MMP14: variants seen among roughly 807,000 people sequenced by gnomAD.
The protein encoded by MMP14 is matrix metallopeptidase 14, also known as matrix metalloproteinase-14.
Under a neutral mutation model 64.8 loss-of-function variants are expected in MMP14, and 13 were observed. That is an observed-to-expected ratio of 0.20 (90% CI 0.13 to 0.32). The LOEUF (loss-of-function observed/expected upper bound fraction) is 0.32, where lower values mean the gene tolerates loss of function less well. MMP14 is among the 10% of genes least tolerant of loss of function. MMP14 has a pLI of 1.00. For missense variants in MMP14, 594 were observed against 783.8 expected (o/e 0.76, Z 2.89); for synonymous variants, 322 against 315.9 (o/e 1.02, Z -0.20).
chr14:22,845,323 G>A lies in MMP14; in HGVS notation c.1374G>A (p.Gly458=). 1 of 1,613,260 alleles carries A rather than the reference G, an allele frequency of 6.2e-7. No homozygotes were observed. Among genetic ancestry groups the A allele is most frequent in the Non-Finnish European group, 8.5e-7 (1 of 1,179,632 alleles). Residue 458 remains glycine, a synonymous_variant, in exon 9 of 10, where the codon GGG becomes GGA. Transcript: ENST00000311852. ...EYPKNIKVWE[G]IPESPRGSFM... is the part of the protein sequence containing the mutation. ...CCAAGAACATCAAAGTCTGGGAAGG[G>A]ATCCCTGAGTCTCCCAGAGGGTCAT... is the stretch of plus-strand genomic sequence containing the variant.
Position 22,841,951 on chromosome 14 carries a change from T to C in MMP14, c.296T>C (p.Phe99Ser). 5 of 1,614,184 alleles carry C rather than the reference T, an allele frequency of 3.1e-6. No homozygotes were observed. The highest frequency in any genetic ancestry group is 3.4e-6 in the Non-Finnish European group (4 of 1,180,036). Reference protein sequence around the residue: ...RRPRCGVPDKFGAEIKANVRR... With the variant: ...RRPRCGVPDKSGAEIKANVRR... ...CCCCGATGTGGTGTTCCAGACAAGT[T>C]TGGGGCTGAGATCAAGGCCAATGTT... Residue 99 changes from phenylalanine (F) to serine (S), a missense_variant, in exon 3 of 10, where the codon TTT (phenylalanine) becomes TCT (serine). Physicochemically the swap from Phe to Ser is radical, Grantham distance 155 (BLOSUM62 -2). Coordinates refer to ENST00000311852, the MANE Select transcript of MMP14 (RefSeq NM_004995.4).
Position 22,842,708 on chromosome 14 carries a change from G to C in MMP14, c.679G>C (p.Asp227His). ...SAEPWTVRNE[D>H]LNGNDIFLVA... ...CGAGCCTTGGACTGTCAGGAATGAG[G>C]ATCTGAATGGTGAGCCAAGTATCCC... is the stretch of plus-strand genomic sequence containing the variant. The change falls in exon 4 of 10, where the codon GAT (aspartate) becomes CAT (histidine). Residue 227 changes from aspartate to histidine, a missense_variant. By Grantham distance (81) the Asp-to-His change is moderately conservative. Around this residue, in one of 4 missense-constraint regions of MMP14, gnomAD observed 179 missense variants for 283.4 expected, o/e 0.63. Coordinates refer to ENST00000311852, the MANE Select transcript of MMP14 (RefSeq NM_004995.4). This position sits in a 1 kb window ranked among gnomAD's most constrained non-coding sequence, Gnocchi z 5.3. 6.3e-7 allele frequency: 1 copy of C among 1,596,700 alleles called. No individual in the cohort carries two copies. Among genetic ancestry groups the C allele is most frequent in the East Asian group, 2.2e-5 (1 of 44,562 alleles).
chr14:22,838,264 G>A (rs1278070122), intron 1 of MMP14, among the ~76,000 whole-genome samples: 4 of 152,176 alleles, frequency 2.6e-5, no homozygotes, highest in African/African-American at 9.7e-5. Flanking sequence ...CTAACAAAAC[G>A]AGCCTGAGCA....
At position 22,842,314 on chromosome 14, in the gene MMP14, G is replaced by C; in HGVS notation, c.381-96G>C. On this transcript the variant is annotated intron_variant, in intron 3 of 9. Coordinates refer to ENST00000311852, the MANE Select transcript of MMP14 (RefSeq NM_004995.4). This position sits in a 1 kb window ranked among gnomAD's most constrained non-coding sequence, Gnocchi z 5.3. ...AGCTGGGTCAGGCAGAGGTGGCTGG[G>C]CCGCGCAGTCAGACCTGGGAGAGTG... 1.4e-6 allele frequency: 2 copies of C among 1,394,438 alleles called. No individual in the cohort carries two copies. Among genetic ancestry groups the C allele is most frequent in the Non-Finnish European group, 2.0e-6 (2 of 1,017,038 alleles). 86.4% of individuals were successfully genotyped at this position (1,394,438 alleles called of 1,614,324 possible).
intron 1 of MMP14, chr14:22,837,552 G>A: frequency 2.8e-6 from 1 of 359,922 alleles, no homozygotes; most frequent in Non-Finnish European, 5.5e-6. Context: ...GCGCCGGCGC[G>A]CTGGCCGCGT....
At chr14:22,837,082 T>TG in intron 1 of MMP14, 157 bp downstream of exon 1, 1 of 704,912 alleles carries the variant, frequency 1.4e-6, no homozygotes, top group Non-Finnish European at 2.5e-6. Flanking sequence ...CCTCTTCGTC[T>TG]CCAAACTTCC....
intron 6 of MMP14, 28 bp from the exon 7 acceptor site, chr14:22,844,343 G>C (rs1204953559): frequency 6.2e-7 from 1 of 1,613,334 alleles, no homozygotes; most frequent in Non-Finnish European, 8.5e-7. Context: ...AGACATAATG[G>C]ACTTTTCCTG....
intron 1 of MMP14, chr14:22,837,265 A>G: frequency 1.9e-6 from 1 of 517,256 alleles, no homozygotes; most frequent in Non-Finnish European, 3.7e-6. Flanking sequence ...ACCGCCTGAT[A>G]AACATTTGGA....
Position 22,836,733 on chromosome 14 carries a change from G to T in MMP14, c.-85G>T. 1 of 725,624 alleles carries T rather than the reference G, an allele frequency of 1.4e-6. No homozygotes were observed. Among genetic ancestry groups the T allele is most frequent in the Non-Finnish European group, 2.2e-6 (1 of 455,724 alleles). The allele number at this position is 725,624 out of a possible 1,614,324, so 44.9% of individuals were successfully genotyped here. The stretch of plus-strand genomic sequence containing the variant: ...TTCAGTGCCTACCGAAGACAAAGGC[G>T]CCCCGAGGGAGTGGCGGTGCGACCC... On this transcript the variant is annotated 5_prime_UTR_variant, in exon 1 of 10. Transcript: ENST00000311852.
In MMP14 at chr14:22,845,247, C is replaced by G; in HGVS notation, c.1302-4C>G. 1 of 1,611,216 alleles carries G rather than the reference C, an allele frequency of 6.2e-7. No individual in the cohort carries two copies. Among genetic ancestry groups the G allele is most frequent in the South Asian group, 1.1e-5 (1 of 90,936 alleles). ...GCCACTGCCCTTCCTTTCCCCTTCCCCAGGTACTACCGTTTCAACGAAGAG... is the reference window on the plus strand; with the variant it reads ...GCCACTGCCCTTCCTTTCCCCTTCCGCAGGTACTACCGTTTCAACGAAGAG... On this transcript the variant is annotated splice_region_variant and splice_polypyrimidine_tract_variant and intron_variant, in intron 8 of 9. Coordinates refer to ENST00000311852, the MANE Select transcript of MMP14 (RefSeq NM_004995.4).
intron 2 of MMP14, 87 bp from the exon 3 acceptor site, chr14:22,841,826 A>G: frequency 8.8e-6 from 13 of 1,480,496 alleles, no homozygotes; most frequent in Non-Finnish European, 1.1e-5. Flanking sequence ...ATTGACACAC[A>G]GCAAGTCTTA....
intron 8 of MMP14, 48 bp downstream of exon 8, chr14:22,844,828 C>G (rs2039800733): frequency 6.2e-7 from 1 of 1,610,110 alleles, no homozygotes; most frequent in Non-Finnish European, 8.5e-7. Flanking sequence ...AAACCACCAC[C>G]ACCCCAAATT....
At chr14:22,837,299 C>T (rs1225655604) in intron 1 of MMP14, 1 of 477,468 alleles carries the variant, frequency 2.1e-6, no homozygotes, top group Non-Finnish European at 4.1e-6. Flanking sequence ...CCGCGCTGTC[C>T]CGGCTCCTCG....
Position 22,845,730 on chromosome 14 carries a change from G to C in MMP14, c.1440G>C (p.Gly480=). 2 of 1,614,018 alleles carry C rather than the reference G, an allele frequency of 1.2e-6. No individual in the cohort carries two copies. Among genetic ancestry groups the C allele is most frequent in the Non-Finnish European group, 1.7e-6 (2 of 1,180,030 alleles). Residue 480 remains glycine, a synonymous_variant, in exon 10 of 10, where the codon GGG becomes GGC. Coordinates refer to ENST00000311852, the MANE Select transcript of MMP14 (RefSeq NM_004995.4). The stretch of plus-strand genomic sequence containing the variant: ...CAGTCTTCACTTACTTCTACAAGGG[G>C]AACAAATACTGGAAATTCAACAACC... ...SDEVFTYFYK[G]NKYWKFNNQK...
intron 7 of MMP14, 29 bp downstream of exon 7, chr14:22,844,538 G>T (rs2039798054): frequency 8.1e-6 from 13 of 1,613,802 alleles, no homozygotes; most frequent in African/African-American, 1.3e-5. Context: ...TTAGTCTTTG[G>T]GAGTGAGGCG....
At chr14:22,840,298 T>C (rs754341413) in intron 1 of MMP14, among the ~76,000 whole-genome samples, 2 of 152,122 alleles carry the variant, frequency 1.3e-5, no homozygotes, top group Non-Finnish European at 2.9e-5. Context: ...TTTAAGAAAA[T>C]ACTCCATTGT....
In MMP14 at chr14:22,843,468, C is replaced by T; in HGVS notation, c.850+50C>T. 6.3e-7 allele frequency: 1 copy of T among 1,583,434 alleles called. No homozygotes were observed. Among genetic ancestry groups the T allele is most frequent in the Non-Finnish European group, 8.6e-7 (1 of 1,162,240 alleles). Reference sequence around the variant, plus strand: ...CTCCCTCCTCTGCTGCTTGTTCCCTCCTGGTCTACGCATTTCCCCTCTTTT... The same window carrying T: ...CTCCCTCCTCTGCTGCTTGTTCCCTTCTGGTCTACGCATTTCCCCTCTTTT... On this transcript the variant is annotated intron_variant, in intron 5 of 9. Coordinates refer to ENST00000311852, the MANE Select transcript of MMP14 (RefSeq NM_004995.4). This position sits in a 1 kb window ranked among gnomAD's most constrained non-coding sequence, Gnocchi z 4.8.
In MMP14 at chr14:22,843,734, A is replaced by T; in HGVS notation, c.875A>T (p.Lys292Met). 1 of 1,592,770 alleles carries T rather than the reference A, an allele frequency of 6.3e-7. No homozygotes were observed. Among genetic ancestry groups the T allele is most frequent in the South Asian group, 1.1e-5 (1 of 87,566 alleles). Residue 292 changes from lysine to methionine, a missense_variant, in exon 6 of 10, where the codon AAG (lysine) becomes ATG (methionine). Around this residue, in one of 4 missense-constraint regions of MMP14, gnomAD observed 364 missense variants for 425.2 expected, o/e 0.86. Transcript: ENST00000311852. This position sits in a 1 kb window ranked among gnomAD's most constrained non-coding sequence, Gnocchi z 4.8. ...GGGGGTGAGTCAGGGTTCCCCACCA[A>T]GATGCCCCCTCAACCCAGGACTACC... Reference protein sequence around the residue: ...LYGGESGFPTKMPPQPRTTSR... With the variant: ...LYGGESGFPTMMPPQPRTTSR...
In MMP14 at chr14:22,842,523, C is replaced by A. The variant is rs144960921; in HGVS notation, c.494C>A (p.Ala165Asp). 7.4e-4 allele frequency: 1,188 copies of A among 1,614,026 alleles called. No individual in the cohort carries two copies. The highest frequency in any genetic ancestry group is 9.6e-4 in the Non-Finnish European group (1,138 of 1,180,014). The change falls in exon 4 of 10, where the codon GCC (alanine) becomes GAC (aspartate). Residue 165 changes from alanine (A) to aspartate (D), a missense_variant. Around this residue, in one of 4 missense-constraint regions of MMP14, gnomAD observed 179 missense variants for 283.4 expected, o/e 0.63. Transcript: ENST00000311852. The surrounding 1 kb of genome is among the most constrained non-coding windows in gnomAD (Gnocchi z 5.3). ...TPLRFREVPY[A>D]YIREGHEKQA... ...CTGCGCTTCCGCGAGGTGCCCTATG[C>A]CTACATCCGTGAGGGCCATGAGAAG...
Sources: gnomAD v4.1 joint callset for allele counts (sites outside exome capture counted in the v4.1 genomes callset) on GRCh38, gnomAD v4.1.1 for gene constraint, gnomAD v4.1.1 regional missense constraint, Gnocchi (gnomAD v3.1) non-coding constraint, MANE v1.5 for transcripts, NCBI Gene and HGNC (gene_info 2026-07-23, HGNC 2026-07-21) for gene names.